The following CHD3 variants were observed in gnomAD, a reference collection of about 807,000 sequenced individuals.
CHD3 encodes ATP-dependent chromatin remodeler CHD3.
A neutral mutation model predicts 248.9 loss-of-function variants in CHD3; 52 were observed. That is an observed-to-expected ratio of 0.21 (90% CI 0.17 to 0.26). The LOEUF is 0.26. Ranked by LOEUF, CHD3 falls within the 10% of genes least tolerant of loss-of-function variation. The probability of loss-of-function intolerance (pLI) is 1.00; values close to 1 mark genes in which losing one functional copy is unlikely to be tolerated. For synonymous variants in CHD3, 985 were observed against 985.2 expected (o/e 1.00, Z 0.00); for missense variants, 1,482 against 2,605.8 (o/e 0.57, Z 9.39).
Position 7,905,070 on chromosome 17 carries a change from C to A in CHD3, c.4073-30C>A. 6.2e-7 allele frequency: 1 copy of A among 1,609,926 alleles called. No homozygotes were observed. Among genetic ancestry groups the A allele is most frequent in the Non-Finnish European group, 8.5e-7 (1 of 1,176,110 alleles). ...CATGGGCATATCCCGAGAGCCCTCCCTGACCACTGGGCCCTTTCCACCCCC... is the reference window on the plus strand; with the variant it reads ...CATGGGCATATCCCGAGAGCCCTCCATGACCACTGGGCCCTTTCCACCCCC... On this transcript the variant is annotated intron_variant, in intron 25 of 39. Coordinates refer to ENST00000330494, the MANE Select transcript of CHD3 (RefSeq NM_001005273.3). The surrounding 1 kb of genome is among the most constrained non-coding windows in gnomAD (Gnocchi z 5.8).
chr17:7,907,495 G>C lies in CHD3; in HGVS notation c.4924+7G>C. On this transcript the variant is annotated splice_region_variant and intron_variant, in intron 32 of 39. Transcript: ENST00000330494. This position sits in a 1 kb window ranked among gnomAD's most constrained non-coding sequence, Gnocchi z 4.3. Reference sequence around the variant, plus strand: ...GGGGACAGAGAGAAGTCAGGTGGGTGCATGGCCTTAGGAGTGATGGGGGAT... The same window carrying C: ...GGGGACAGAGAGAAGTCAGGTGGGTCCATGGCCTTAGGAGTGATGGGGGAT... 6.3e-7 allele frequency: 1 copy of C among 1,581,722 alleles called. No individual in the cohort carries two copies. The highest frequency in any genetic ancestry group is 8.6e-7 in the Non-Finnish European group (1 of 1,166,454).
At chr17:7,887,968 C>T (rs115219924), upstream of CHD3, among the ~76,000 whole-genome samples, 1 of 152,238 alleles carries the variant, frequency 6.6e-6, no homozygotes, top group Non-Finnish European at 1.5e-5. Context: ...GTAGAGTGAA[C>T]CGGCTTGTGC....
Position 7,904,980 on chromosome 17 carries a change from G to C in CHD3, c.4073-120G>C. 1.1e-6 allele frequency: 1 copy of C among 925,436 alleles called. No homozygotes were observed. The highest frequency in any genetic ancestry group is 1.8e-6 in the Non-Finnish European group (1 of 568,290). 57.3% of individuals were successfully genotyped at this position (925,436 alleles called of 1,614,324 possible). A position where few individuals can be genotyped will look rare whatever the true frequency, so the allele number is the denominator to read the frequency against. On this transcript the variant is annotated intron_variant, in intron 25 of 39. Coordinates refer to ENST00000330494, the MANE Select transcript of CHD3 (RefSeq NM_001005273.3). This position sits in a 1 kb window ranked among gnomAD's most constrained non-coding sequence, Gnocchi z 4.4. ...GGCAGTGATCTGGTGTTCCCAGAAG[G>C]ACCAAGGCCAGAATAAAGGTAGACA...
Position 7,898,634 on chromosome 17 carries a change from A to T in CHD3, c.2151+39A>T, listed in dbSNP as rs758076008. On this transcript the variant is annotated intron_variant, in intron 13 of 39. Coordinates refer to ENST00000330494, the MANE Select transcript of CHD3 (RefSeq NM_001005273.3). ...GTTGTCATTTCTTGTTTCTGGAGTG[A>T]TGGTGATCGAAGATTTTCCAAGGGC... 3 of 1,517,024 alleles carry T rather than the reference A, an allele frequency of 2.0e-6. No homozygotes were observed. The African/African-American group carries it at 4.2e-5, about 21-fold the overall frequency. 94.0% of individuals were successfully genotyped at this position (1,517,024 alleles called of 1,614,324 possible).
Position 7,906,095 on chromosome 17 carries a change from T to C in CHD3, c.4358+106T>C, listed in dbSNP as rs1250531166. 2.0e-6 allele frequency: 3 copies of C among 1,475,180 alleles called. No homozygotes were observed. The highest frequency in any genetic ancestry group is 2.8e-5 in the African/African-American group (2 of 72,268). The allele number at this position is 1,475,180 out of a possible 1,614,324, so 91.4% of individuals were successfully genotyped here. ...TGATGTGACCTTACTCAACTGATTA[T>C]CACCCTCCCTGTCATACAATACTTC... On this transcript the variant is annotated intron_variant, in intron 28 of 39. Coordinates refer to ENST00000330494, the MANE Select transcript of CHD3 (RefSeq NM_001005273.3). The surrounding 1 kb of genome is among the most constrained non-coding windows in gnomAD (Gnocchi z 5.0).
chr17:7,909,489 C>G lies in CHD3; in HGVS notation c.5590+151C>G, dbSNP rs766748362. The G allele has an allele frequency of 9.9e-5, 116 of 1,176,234 alleles. No homozygotes were observed. Among genetic ancestry groups the G allele is most frequent in the Non-Finnish European group, 1.3e-4 (109 of 867,882 alleles). The allele number at this position is 1,176,234 out of a possible 1,614,324, so 72.9% of individuals were successfully genotyped here. ...TAACCCCACTCCTACCGACCTGGCA[C>G]CCCCTTGGATTTTAGCCTCTAGGAC... is the stretch of plus-strand genomic sequence containing the variant. On this transcript the variant is annotated intron_variant, in intron 37 of 39. Transcript: ENST00000330494. The surrounding 1 kb of genome is among the most constrained non-coding windows in gnomAD (Gnocchi z 8.1).
rs777124929 is a variant in CHD3, at chr17:7,905,346, G to A, written c.4138+181G>A. On this transcript the variant is annotated intron_variant, in intron 26 of 39. Coordinates refer to ENST00000330494, the MANE Select transcript of CHD3 (RefSeq NM_001005273.3). This position sits in a 1 kb window ranked among gnomAD's most constrained non-coding sequence, Gnocchi z 5.8. ...TCTGCTAGTAAACTTCGGTGTGTGTGACCACATAGGCTAGATCCAGAAAGG... is the reference window on the plus strand; with the variant it reads ...TCTGCTAGTAAACTTCGGTGTGTGTAACCACATAGGCTAGATCCAGAAAGG... 5.6e-4 allele frequency: 368 copies of A among 657,374 alleles called. 1 individual carries two copies. Among genetic ancestry groups the A allele is most frequent in the Non-Finnish European group, 8.8e-4 (321 of 364,866 alleles). The allele number at this position is 657,374 out of a possible 1,614,324, so 40.7% of individuals were successfully genotyped here. A position where few individuals can be genotyped will look rare whatever the true frequency, so the allele number is the denominator to read the frequency against.
rs914452751 is a variant in CHD3 at position 7,904,996 on chromosome 17, A to T, written c.4073-104A>T. 9.4e-7 allele frequency: 1 copy of T among 1,061,256 alleles called. No individual in the cohort carries two copies. Among genetic ancestry groups the T allele is most frequent in the Non-Finnish European group, 1.5e-6 (1 of 682,486 alleles). The allele number at this position is 1,061,256 out of a possible 1,614,324, so 65.7% of individuals were successfully genotyped here. A position where few individuals can be genotyped will look rare whatever the true frequency, so the allele number is the denominator to read the frequency against. On this transcript the variant is annotated intron_variant, in intron 25 of 39. Coordinates refer to ENST00000330494, the MANE Select transcript of CHD3 (RefSeq NM_001005273.3). The surrounding 1 kb of genome is among the most constrained non-coding windows in gnomAD (Gnocchi z 4.4). The stretch of plus-strand genomic sequence containing the variant: ...TCCCAGAAGGACCAAGGCCAGAATA[A>T]AGGTAGACAAGTCTCGGCAGGGAGG...
Position 7,904,389 on chromosome 17 carries a change from A to G in CHD3, c.3895-53A>G. 1 of 1,532,556 alleles carries G rather than the reference A, an allele frequency of 6.5e-7. No homozygotes were observed. 94.9% of individuals were successfully genotyped at this position (1,532,556 alleles called of 1,614,324 possible). A position where few individuals can be genotyped will look rare whatever the true frequency, so the allele number is the denominator to read the frequency against. ...AGAGTAGGGATTTCCTTGCAGTGGA[A>G]GGATTAGCAAAGAAGGAGACCCCCA... On this transcript the variant is annotated intron_variant, in intron 24 of 39. Coordinates refer to ENST00000330494, the MANE Select transcript of CHD3 (RefSeq NM_001005273.3). This position sits in a 1 kb window ranked among gnomAD's most constrained non-coding sequence, Gnocchi z 4.4.
At position 7,902,940 on chromosome 17, in the gene CHD3, C is replaced by T. The variant is rs1453786552; in HGVS notation, c.3374C>T (p.Pro1125Leu). Reference sequence around the variant, plus strand: ...TGATCCAACTCTCACCTCCTAGCTCCTGGGGCCCAACAATTCTGCTTCCTC... The same window carrying T: ...TGATCCAACTCTCACCTCCTAGCTCTTGGGGCCCAACAATTCTGCTTCCTC... ...RQEAIDRFNA[P>L]GAQQFCFLLS... Residue 1125 changes from proline to leucine, a missense_variant, in exon 22 of 40, where the codon CCT becomes CTT. Around this residue, in one of 20 missense-constraint regions of CHD3, gnomAD observed 18 missense variants for 45.2 expected, o/e 0.40. Transcript: ENST00000330494. 6.2e-7 allele frequency: 1 copy of T among 1,614,088 alleles called. No individual in the cohort carries two copies. Among genetic ancestry groups the T allele is most frequent in the Non-Finnish European group, 8.5e-7 (1 of 1,180,010 alleles).
At chr17:7,885,747 C>A (rs541531837), upstream of CHD3, among the ~76,000 whole-genome samples, 17,738 of 152,084 alleles carry the variant, frequency 0.12, 1,140 homozygotes, top group African/African-American at 0.17. Flanking sequence ...AGGTGCCCGC[C>A]AACTGAGGGG....
At chr17:7,885,984 G>A (rs1165139052), upstream of CHD3, among the ~76,000 whole-genome samples, 1 of 152,124 alleles carries the variant, frequency 6.6e-6, no homozygotes, top group African/African-American at 2.4e-5. Flanking sequence ...TCATCTCGCC[G>A]GGGCTCTGGG....
chr17:7,895,246 TC>T lies in CHD3; in HGVS notation c.1504-88del. ...TGTCCAGCTTTTCATTTCTCTGCACTCCCCCACCCTTGTGGGACCCCTATCT... is the reference window on the plus strand; with the variant it reads ...TGTCCAGCTTTTCATTTCTCTGCACTCCCCACCCTTGTGGGACCCCTATCT... On this transcript the variant is annotated intron_variant, in intron 9 of 39. Coordinates refer to ENST00000330494, the MANE Select transcript of CHD3 (RefSeq NM_001005273.3). The surrounding 1 kb of genome is among the most constrained non-coding windows in gnomAD (Gnocchi z 4.9). The T allele has an allele frequency of 6.3e-7, 1 of 1,578,388 alleles. No homozygotes were observed. The highest frequency in any genetic ancestry group is 1.2e-5 in the South Asian group (1 of 85,660).
rs1597916739 is a variant in CHD3 at position 7,889,898 on chromosome 17, T to C, written c.213+122T>C. ...GGGTTCTGAAGCCAGGGAGGCTTGA[T>C]CCCCCGGGCCCCCCACTTCCCTGCC... is the stretch of plus-strand genomic sequence containing the variant. On this transcript the variant is annotated intron_variant, in intron 2 of 39. Transcript: ENST00000330494. This position sits in a 1 kb window ranked among gnomAD's most constrained non-coding sequence, Gnocchi z 4.5. The C allele has an allele frequency of 5.2e-6, 5 of 963,642 alleles. No individual in the cohort carries two copies. Among genetic ancestry groups the C allele is most frequent in the Non-Finnish European group, 4.6e-6 (3 of 645,252 alleles). 59.7% of individuals were successfully genotyped at this position (963,642 alleles called of 1,614,324 possible).
chr17:7,885,054 T>TGCCCCCGCC, upstream of CHD3: 1 of 976,222 alleles, frequency 1.0e-6, no homozygotes, highest in Non-Finnish European at 1.2e-6. Context: ...CCGCCACCGC[T>TGCCCCCGCC]GCCCCCGCCG....
chr17:7,906,168 C>T lies in CHD3; in HGVS notation c.4358+179C>T, dbSNP rs754422934. On this transcript the variant is annotated intron_variant, in intron 28 of 39. Coordinates refer to ENST00000330494, the MANE Select transcript of CHD3 (RefSeq NM_001005273.3). This position sits in a 1 kb window ranked among gnomAD's most constrained non-coding sequence, Gnocchi z 5.0. ...GGTCTCAGCCCACTCCACCTCCCCT[C>T]AGCCGAGCCTAGAGTAGAGGGGCCA... 1 of 993,184 alleles carries T rather than the reference C, an allele frequency of 1.0e-6. No individual in the cohort carries two copies. The highest frequency in any genetic ancestry group is 1.6e-6 in the Non-Finnish European group (1 of 627,624). 61.5% of individuals were successfully genotyped at this position (993,184 alleles called of 1,614,324 possible).
In CHD3 at chr17:7,911,327, G is replaced by A. The variant is rs998713325; in HGVS notation, c.5882-137G>A. The stretch of plus-strand genomic sequence containing the variant: ...AGTGGAATCTCAGGGAAAGGGGTTT[G>A]CCCGGGTCTTCCCTCCCTCACGTGG... On this transcript the variant is annotated intron_variant, in intron 39 of 39. Coordinates refer to ENST00000330494, the MANE Select transcript of CHD3 (RefSeq NM_001005273.3). The surrounding 1 kb of genome is among the most constrained non-coding windows in gnomAD (Gnocchi z 5.4). The A allele has an allele frequency of 2.5e-5, 34 of 1,337,104 alleles. No homozygotes were observed. Among genetic ancestry groups the A allele is most frequent in the Middle Eastern group, 2.0e-4 (1 of 5,006 alleles). 82.8% of individuals were successfully genotyped at this position (1,337,104 alleles called of 1,614,324 possible).
In CHD3 at chr17:7,900,736, G is replaced by C; in HGVS notation, c.2978+5G>C. ...GGAGCTAAGCCCCATGCAGAAGTAAGATGCAAGACGAGCTGCCTGGAGTAG... is the reference window on the plus strand; with the variant it reads ...GGAGCTAAGCCCCATGCAGAAGTAACATGCAAGACGAGCTGCCTGGAGTAG... On this transcript the variant is annotated splice_donor_5th_base_variant and intron_variant, in intron 18 of 39. Coordinates refer to ENST00000330494, the MANE Select transcript of CHD3 (RefSeq NM_001005273.3). This position sits in a 1 kb window ranked among gnomAD's most constrained non-coding sequence, Gnocchi z 6.5. 6.2e-7 allele frequency: 1 copy of C among 1,611,158 alleles called. No individual in the cohort carries two copies.
upstream of CHD3, among the ~76,000 whole-genome samples, chr17:7,886,193 A>T (rs1597900499): frequency 6.6e-6 from 1 of 152,044 alleles, no homozygotes; most frequent in Non-Finnish European, 1.5e-5. The surrounding 1 kb of genome is among the most constrained non-coding windows in gnomAD (Gnocchi z 4.2). Context: ...ATCACTCAGC[A>T]CCCGTCCCCC....
Sources: gnomAD v4.1 joint callset for allele counts (sites outside exome capture counted in the v4.1 genomes callset) on GRCh38, gnomAD v4.1.1 for gene constraint, gnomAD v4.1.1 regional missense constraint, Gnocchi (gnomAD v3.1) non-coding constraint, MANE v1.5 for transcripts, NCBI Gene and HGNC (gene_info 2026-07-23, HGNC 2026-07-21) for gene names.